MYO1D: variants seen among roughly 807,000 people sequenced by gnomAD.
MYO1D encodes the protein unconventional myosin-Id.
MYO1D carries 83 observed loss-of-function variants against 122.0 expected under a neutral mutation model. That is an observed-to-expected ratio of 0.68 (90% CI 0.57 to 0.82). The LOEUF (loss-of-function observed/expected upper bound fraction) is 0.82, where lower values mean the gene tolerates loss of function less well. Among genes scored for constraint, MYO1D ranks in the 40% least tolerant of loss-of-function variants. The pLI, the probability that MYO1D is intolerant of heterozygous loss-of-function variation, is 0.00. For missense variants in MYO1D, 1,157 were observed against 1,269.5 expected, an observed-to-expected ratio of 0.91 and a Z score of 1.35; for synonymous variants, 464 against 446.9, an observed-to-expected ratio of 1.04 and a Z score of -0.48.
At chr17:32,762,413 A>C (rs2090010619) in intron 8 of MYO1D, among the ~76,000 whole-genome samples, 1 of 152,130 alleles carries the variant, frequency 6.6e-6, no homozygotes, top group South Asian at 2.1e-4. Context: ...AACACAGTCC[A>C]TTTCAAATCA....
intron 21 of MYO1D, among the ~76,000 whole-genome samples, chr17:32,578,864 T>C (rs985477041): frequency 7.9e-5 from 12 of 152,146 alleles, no homozygotes; most frequent in African/African-American, 2.9e-4. Flanking sequence ...CTTTTCACTC[T>C]ACATGTTTCC....
intron 1 of MYO1D, among the ~76,000 whole-genome samples, chr17:32,787,946 G>GT (rs1429465747): frequency 6.6e-6 from 1 of 152,178 alleles, no homozygotes; most frequent in Non-Finnish European, 1.5e-5. Context: ...TTATGGCCGA[G>GT]TAGTATTCCA....
intron 14 of MYO1D, among the ~76,000 whole-genome samples, chr17:32,725,736 TA>T (rs1004135755): frequency 4.6e-5 from 7 of 150,804 alleles, no homozygotes; most frequent in South Asian, 4.2e-4. Flanking sequence ...TAAAACTGAT[TA>T]AAAAAAAGGG....
At chr17:32,813,920 G>T (rs2090592791) in intron 1 of MYO1D, among the ~76,000 whole-genome samples, 1 of 152,196 alleles carries the variant, frequency 6.6e-6, no homozygotes, top group South Asian at 2.1e-4. Flanking sequence ...CATGAATCAA[G>T]AATAACTAGA....
chr17:32,754,895 T>C (rs180711571), intron 11 of MYO1D, among the ~76,000 whole-genome samples: 38 of 141,896 alleles, frequency 2.7e-4, no homozygotes, highest in Middle Eastern at 3.6e-3. Flanking sequence ...ATAAGCACAA[T>C]TGTCACCAAT....
At chr17:32,801,676 CAAAG>C (rs1237900773) in intron 1 of MYO1D, among the ~76,000 whole-genome samples, 1 of 152,154 alleles carries the variant, frequency 6.6e-6, no homozygotes, top group African/African-American at 2.4e-5. Flanking sequence ...AATAAATAGA[CAAAG>C]AAATAGATGT....
At chr17:32,863,992 T>A (rs987411113) in intron 1 of MYO1D, among the ~76,000 whole-genome samples, 7 of 137,140 alleles carry the variant, frequency 5.1e-5, no homozygotes, top group Non-Finnish European at 7.9e-5. Context: ...TAATTTTGGT[T>A]ACAAACATTT....
intron 20 of MYO1D, among the ~76,000 whole-genome samples, chr17:32,631,728 T>C (rs893905553): frequency 6.6e-6 from 1 of 152,220 alleles, no homozygotes; most frequent in African/African-American, 2.4e-5. Context: ...GAAATATTAA[T>C]ATTTTAGATA....
At chr17:32,604,178 C>A in intron 21 of MYO1D, among the ~76,000 whole-genome samples, 1 of 137,876 alleles carries the variant, frequency 7.3e-6, no homozygotes. Flanking sequence ...AAAGAGAAGC[C>A]ACGTCTAAAC....
At chr17:32,646,752 C>T (rs1434769377) in intron 19 of MYO1D, among the ~76,000 whole-genome samples, 2 of 152,102 alleles carry the variant, frequency 1.3e-5, no homozygotes, top group Non-Finnish European at 2.9e-5. Context: ...GAGAACATAT[C>T]ACAAATCTTT....
intron 14 of MYO1D, 95 bp downstream of exon 14, chr17:32,738,158 G>T: frequency 1.8e-6 from 2 of 1,087,040 alleles, no homozygotes; most frequent in Non-Finnish European, 2.6e-6. Flanking sequence ...CAATCTACAT[G>T]ATTACCTAAA....
At chr17:32,622,729 T>C (rs1335867987) in intron 20 of MYO1D, among the ~76,000 whole-genome samples, 85 of 152,196 alleles carry the variant, frequency 5.6e-4, no homozygotes, top group Non-Finnish European at 4.4e-5. Context: ...AGGCATGGGA[T>C]TGCCAGTTTG....
chr17:32,681,476 A>T (rs1202536584), intron 16 of MYO1D, among the ~76,000 whole-genome samples: 4 of 146,508 alleles, frequency 2.7e-5, no homozygotes, highest in African/African-American at 7.6e-5. Flanking sequence ...GGTTTCAAAG[A>T]ACATCTTTAT....
chr17:32,769,948 T>C (rs903408459), intron 6 of MYO1D, among the ~76,000 whole-genome samples: 6 of 152,226 alleles, frequency 3.9e-5, no homozygotes, highest in African/African-American at 1.4e-4. Context: ...ATAAGACAAT[T>C]TGAAAACAAA....
At chr17:32,673,028 T>A (rs73280036) in intron 16 of MYO1D, among the ~76,000 whole-genome samples, 2,486 of 150,858 alleles carry the variant, frequency 0.016, 46 homozygotes, top group African/African-American at 0.057. Flanking sequence ...CTTTATTGGT[T>A]AGTTAAGGCT....
intron 20 of MYO1D, among the ~76,000 whole-genome samples, chr17:32,637,407 A>G (rs754314302): frequency 9.9e-5 from 15 of 152,232 alleles, no homozygotes; most frequent in Non-Finnish European, 2.1e-4. Flanking sequence ...GTGGTGGCTT[A>G]TGCCTGTAAT....
intron 1 of MYO1D, among the ~76,000 whole-genome samples, chr17:32,782,449 T>G (rs2090248450): frequency 6.6e-6 from 1 of 152,214 alleles, no homozygotes; most frequent in African/African-American, 2.4e-5. Context: ...TATTCATCTG[T>G]AAAATGGTCA....
chr17:32,651,695 T>A lies in MYO1D; in HGVS notation c.2595+2148A>T, dbSNP rs979469897. On this transcript the variant is annotated intron_variant, in intron 19 of 21. Transcript: ENST00000318217. ...CCCACTTTTTTTTTTTTTTTTTTTT[T>A]AGACGGAGTCTTGTTCTGTCACCCA... Among the ~76,000 whole-genome samples, 19 of 148,302 alleles carry A rather than the reference T, an allele frequency of 1.3e-4. No individual in the cohort carries two copies. In the East Asian group the frequency reaches 3.3e-3, roughly 26 times the overall value.
intron 16 of MYO1D, among the ~76,000 whole-genome samples, chr17:32,689,992 T>C (rs1338484770): frequency 6.6e-6 from 1 of 152,098 alleles, no homozygotes; most frequent in Non-Finnish European, 1.5e-5. Flanking sequence ...TCCCAAAGTG[T>C]TGGGATTATA....
Sources: gnomAD v4.1 joint callset for allele counts (sites outside exome capture counted in the v4.1 genomes callset) on GRCh38, gnomAD v4.1.1 for gene constraint, MANE v1.5 for transcripts, NCBI Gene and HGNC (gene_info 2026-07-23, HGNC 2026-07-21) for gene names.